SRRM4: variants seen among roughly 807,000 people sequenced by gnomAD.
SRRM4 encodes the protein serine/arginine repetitive matrix protein 4.
A neutral mutation model predicts 68.9 loss-of-function variants in SRRM4; 33 were observed. The ratio of observed to expected loss-of-function variants is 0.48; its 90% confidence interval spans 0.36 to 0.64. The LOEUF (loss-of-function observed/expected upper bound fraction) is 0.64, where lower values mean the gene tolerates loss of function less well. SRRM4 is among the 30% of genes least tolerant of loss of function. The pLI is 0.00. For missense variants in SRRM4, 817 were observed against 827.1 expected (o/e 0.99, Z 0.15); for synonymous variants, 318 against 318.8 (o/e 1.00, Z 0.03).
chr12:119,085,365 A>G (rs1181029547), intron 1 of SRRM4, among the ~76,000 whole-genome samples: 2 of 152,230 alleles, frequency 1.3e-5, no homozygotes, highest in African/African-American at 4.8e-5. Flanking sequence ...AAGGTAGTCA[A>G]TTGCTCAAGG....
chr12:118,986,498 G>T (rs1279480833), intron 1 of SRRM4, among the ~76,000 whole-genome samples: 1 of 152,178 alleles, frequency 6.6e-6, no homozygotes, highest in Non-Finnish European at 1.5e-5. Context: ...GCATTAATTA[G>T]ATGAATGTGC....
In SRRM4 at chr12:119,090,606, C is replaced by T. The variant is rs568388916; in HGVS notation, c.132-11630C>T. ...AGGGGCATCCCTGAGGCATTTGCAG[C>T]CAACATTCCCACCTATCTGGAAAGA... On this transcript the variant is annotated intron_variant, in intron 1 of 12. Transcript: ENST00000267260. 8.0e-4 allele frequency among the ~76,000 whole-genome samples: 122 copies of T among 152,284 alleles called. 1 individual carries two copies. The highest frequency in any genetic ancestry group is 2.5e-3 in the African/African-American group (104 of 41,562).
rs76636075 is a variant in SRRM4 at position 119,057,151 on chromosome 12, A to G, written c.132-45085A>G. Among the ~76,000 whole-genome samples, 721 of 152,290 alleles carry G rather than the reference A, an allele frequency of 4.7e-3. 1 individual carries two copies. Among genetic ancestry groups the G allele is most frequent in the African/African-American group, 0.015 (628 of 41,556 alleles). The stretch of plus-strand genomic sequence containing the variant: ...CATGGTTTTTATTCTTTCTTTTTTA[A>G]ATTAGGTGAAGAAAGAAATAGTTGG... On this transcript the variant is annotated intron_variant, in intron 1 of 12. Transcript: ENST00000267260.
chr12:119,105,065 C>T (rs891326136), intron 2 of SRRM4, among the ~76,000 whole-genome samples: 3 of 147,368 alleles, frequency 2.0e-5, no homozygotes, highest in Non-Finnish European at 4.5e-5. Context: ...TGAGAACATG[C>T]GGTGTTTGGT....
intron 10 of SRRM4, among the ~76,000 whole-genome samples, chr12:119,152,114 A>G (rs574256749): frequency 4.6e-5 from 7 of 152,228 alleles, no homozygotes; most frequent in Non-Finnish European, 1.0e-4. Flanking sequence ...GGAAGATTCT[A>G]TCCAAACGAA....
At chr12:119,022,739 C>G (rs766460334) in intron 1 of SRRM4, among the ~76,000 whole-genome samples, 1 of 152,296 alleles carries the variant, frequency 6.6e-6, no homozygotes, top group East Asian at 1.9e-4. Context: ...CCCAGAGAAC[C>G]TTTATCAATT....
intron 1 of SRRM4, among the ~76,000 whole-genome samples, chr12:119,062,197 A>G (rs1271318298): frequency 6.6e-6 from 1 of 152,220 alleles, no homozygotes; most frequent in Non-Finnish European, 1.5e-5. Flanking sequence ...GTACATTAAA[A>G]TACAGTAGAA....
At chr12:119,130,651 C>A (rs749410457) in intron 7 of SRRM4, 27 bp from the exon 8 acceptor site, 3 of 1,599,800 alleles carry the variant, frequency 1.9e-6, no homozygotes, top group Non-Finnish European at 2.6e-6. Flanking sequence ...TTCAAAAGAC[C>A]CTCAGGTCTC....
At chr12:118,997,945 T>A (rs1030067180) in intron 1 of SRRM4, among the ~76,000 whole-genome samples, 1 of 152,102 alleles carries the variant, frequency 6.6e-6, no homozygotes, top group African/African-American at 2.4e-5. Flanking sequence ...ATTGTCAAGT[T>A]TTTAACTACC....
intron 8 of SRRM4, among the ~76,000 whole-genome samples, chr12:119,138,329 C>G (rs888579595): frequency 1.3e-5 from 2 of 152,160 alleles, no homozygotes; most frequent in Non-Finnish European, 2.9e-5. Flanking sequence ...ACCGGTTTTC[C>G]AGTGTTGACC....
In SRRM4 at chr12:118,981,856, G is replaced by A; in HGVS notation, c.-27G>A. 6.2e-7 allele frequency: 1 copy of A among 1,605,906 alleles called. No homozygotes were observed. Among genetic ancestry groups the A allele is most frequent in the Middle Eastern group, 1.7e-4 (1 of 5,906 alleles). On this transcript the variant is annotated 5_prime_UTR_variant, in exon 1 of 13. Coordinates refer to ENST00000267260, the MANE Select transcript of SRRM4 (RefSeq NM_194286.4). ...GTTTCAGCACTTTGGACAGCGCCCC[G>A]GACGCCCCGGCCCCTTTGGGTTGGC...
chr12:119,145,353 A>C, intron 8 of SRRM4, 28 bp from the exon 9 acceptor site: 3 of 1,584,058 alleles, frequency 1.9e-6, no homozygotes, highest in Non-Finnish European at 2.6e-6. Flanking sequence ...AGCGCTCAGC[A>C]GTGTCCAACG....
At chr12:119,037,045 G>A (rs1239873362) in intron 1 of SRRM4, 2 of 152,146 alleles carry the variant, frequency 1.3e-5, no homozygotes, top group African/African-American at 4.8e-5. Flanking sequence ...TGGAAACGAG[G>A]CGATATCAAA....
chr12:119,080,015 C>T (rs1054796326), intron 1 of SRRM4, among the ~76,000 whole-genome samples: 20 of 152,128 alleles, frequency 1.3e-4, no homozygotes, highest in Middle Eastern at 3.4e-3. Flanking sequence ...ATTCAGCTAC[C>T]GGTGCCCCTC....
At chr12:119,027,756 C>T (rs1199212701) in intron 1 of SRRM4, among the ~76,000 whole-genome samples, 5 of 152,186 alleles carry the variant, frequency 3.3e-5, no homozygotes, top group African/African-American at 1.2e-4. Context: ...TATTATGATC[C>T]CTGTCTCCAT....
rs2723880 is a variant in SRRM4, at chr12:119,151,157, G to C, written c.1217G>C (p.Arg406Pro). 4.3e-6 allele frequency: 7 copies of C among 1,613,584 alleles called. No homozygotes were observed. Among genetic ancestry groups the C allele is most frequent in the Non-Finnish European group, 5.1e-6 (6 of 1,179,820 alleles). ...ASTRSSSHSS[R>P]SPNPRASPRY... ...ACCCGATCCTCCAGTCACTCGTCCC[G>C]ATCCCCAAATCCCAGGGCTTCCCCC... Residue 406 changes from arginine to proline, a missense_variant, in exon 10 of 13, where the codon CGA becomes CCA. By Grantham distance (103) the Arg-to-Pro change is moderately radical. Transcript: ENST00000267260.
In SRRM4 at chr12:119,154,411, C is replaced by A. The variant is rs751980205; in HGVS notation, c.1532+28C>A. 1.1e-5 allele frequency: 18 copies of A among 1,607,456 alleles called. No homozygotes were observed. The African/African-American group carries it at 1.2e-4, about 11-fold the overall frequency. ...GAGGCCAGGGGGCAAGGGGGACCCA[C>A]CTTCATCCTCGTTCCCACTCCCATT... On this transcript the variant is annotated intron_variant, in intron 12 of 12. Coordinates refer to ENST00000267260, the MANE Select transcript of SRRM4 (RefSeq NM_194286.4). The surrounding 1 kb of genome is among the most constrained non-coding windows in gnomAD (Gnocchi z 4.7).
At chr12:119,042,971 G>A (rs1236620201) in intron 1 of SRRM4, among the ~76,000 whole-genome samples, 4 of 152,120 alleles carry the variant, frequency 2.6e-5, no homozygotes, top group African/African-American at 9.7e-5. Context: ...ACCATTGTGG[G>A]AGACAGTGTG....
chr12:119,068,659 A>T (rs1451889219), intron 1 of SRRM4, among the ~76,000 whole-genome samples: 3 of 151,914 alleles, frequency 2.0e-5, no homozygotes, highest in Non-Finnish European at 4.4e-5. Flanking sequence ...CCACACTGGC[A>T]TGCCACAGAG....
Sources: gnomAD v4.1 joint callset for allele counts (sites outside exome capture counted in the v4.1 genomes callset) on GRCh38, gnomAD v4.1.1 for gene constraint, Gnocchi (gnomAD v3.1) non-coding constraint, MANE v1.5 for transcripts, NCBI Gene and HGNC (gene_info 2026-07-23, HGNC 2026-07-21) for gene names.